The following NWD2 variants were observed in gnomAD, a reference collection of about 807,000 sequenced individuals.
NWD2 encodes the protein NACHT and WD repeat domain-containing protein 2.
A neutral mutation model predicts 132.7 loss-of-function variants in NWD2; 37 were observed. That is an observed-to-expected ratio of 0.28 (90% CI 0.21 to 0.37). The LOEUF (loss-of-function observed/expected upper bound fraction) is 0.37. Among genes scored for constraint, NWD2 ranks in the 10% least tolerant of loss-of-function variants. NWD2 has a pLI of 1.00. For missense variants in NWD2, 1,592 were observed against 2,122.4 expected, an observed-to-expected ratio of 0.75 and a Z score of 4.91; for synonymous variants, 705 against 803.0, an observed-to-expected ratio of 0.88 and a Z score of 2.06.
At chr4:37,369,886 C>A (rs1720180957) in intron 3 of NWD2, among the ~76,000 whole-genome samples, 1 of 152,134 alleles carries the variant, frequency 6.6e-6, no homozygotes, top group Non-Finnish European at 1.5e-5. Context: ...TGGAAATATG[C>A]ACAGATATGG....
At chr4:37,271,020 C>T (rs1328347761) in intron 1 of NWD2, among the ~76,000 whole-genome samples, 1 of 151,780 alleles carries the variant, frequency 6.6e-6, no homozygotes, top group Admixed American at 6.6e-5. Flanking sequence ...CATTGAATTG[C>T]TTTGACAGCT....
chr4:37,304,335 G>C (rs543925302), intron 1 of NWD2, among the ~76,000 whole-genome samples: 1 of 152,242 alleles, frequency 6.6e-6, no homozygotes, highest in Admixed American at 6.5e-5. Flanking sequence ...GATTTGGGTG[G>C]AGACACAGAG....
At chr4:37,258,903 C>G (rs752873794) in intron 1 of NWD2, among the ~76,000 whole-genome samples, 1 of 152,196 alleles carries the variant, frequency 6.6e-6, no homozygotes, top group African/African-American at 2.4e-5. Flanking sequence ...ATGGATTTCA[C>G]TTTTGCTGAT....
intron 1 of NWD2, among the ~76,000 whole-genome samples, chr4:37,251,491 G>C (rs1717359448): frequency 6.6e-6 from 1 of 152,188 alleles, no homozygotes; most frequent in Admixed American, 6.5e-5. Flanking sequence ...TGGGTGTTTA[G>C]TTCATATTGT....
chr4:37,304,081 A>ACAGTT (rs1369697038), intron 1 of NWD2, among the ~76,000 whole-genome samples: 1 of 152,220 alleles, frequency 6.6e-6, no homozygotes, highest in African/African-American at 2.4e-5. Flanking sequence ...TAAGTGGTTC[A>ACAGTT]CAGTTCTGTA....
intron 3 of NWD2, among the ~76,000 whole-genome samples, chr4:37,400,603 G>A (rs1720879752): frequency 6.6e-6 from 1 of 152,144 alleles, no homozygotes; most frequent in Non-Finnish European, 1.5e-5. Flanking sequence ...TTCCCTATAT[G>A]CCTGCTCTTG....
chr4:37,291,516 T>G (rs1446436154), intron 1 of NWD2, among the ~76,000 whole-genome samples: 4 of 152,198 alleles, frequency 2.6e-5, no homozygotes, highest in African/African-American at 7.2e-5. Context: ...ATTGAATATT[T>G]TATTTGAAAG....
intron 2 of NWD2, among the ~76,000 whole-genome samples, chr4:37,351,175 C>G (rs6531527): frequency 0.39 from 59,635 of 151,894 alleles, 12,522 homozygotes; most frequent in East Asian, 0.59. Context: ...GTTTTGGTAT[C>G]AGAATGATGC....
At chr4:37,391,168 T>A (rs1720673127) in intron 3 of NWD2, among the ~76,000 whole-genome samples, 1 of 152,200 alleles carries the variant, frequency 6.6e-6, no homozygotes, top group South Asian at 2.1e-4. Context: ...TGTCTCTTGC[T>A]AATAACTAGG....
intron 1 of NWD2, among the ~76,000 whole-genome samples, chr4:37,251,649 T>G (rs904367227): frequency 2.0e-5 from 3 of 152,330 alleles, no homozygotes; most frequent in Non-Finnish European, 4.4e-5. Context: ...TGAAGGAACT[T>G]TGTTCTCCAG....
intron 1 of NWD2, among the ~76,000 whole-genome samples, chr4:37,309,562 C>T (rs1179883562): frequency 6.6e-6 from 1 of 152,098 alleles, no homozygotes; most frequent in African/African-American, 2.4e-5. Context: ...CAAAATGGCA[C>T]CATAATGCAG....
intron 1 of NWD2, among the ~76,000 whole-genome samples, chr4:37,251,772 A>T (rs1228503415): frequency 1.3e-5 from 2 of 152,216 alleles, no homozygotes; most frequent in Non-Finnish European, 2.9e-5. Context: ...GAGATAGATA[A>T]TGGAGGGAAG....
chr4:37,265,153 T>C (rs1717722929), intron 1 of NWD2, among the ~76,000 whole-genome samples: 1 of 152,100 alleles, frequency 6.6e-6, no homozygotes, highest in Non-Finnish European at 1.5e-5. Flanking sequence ...GTGATATTAA[T>C]GATAATACTG....
At chr4:37,260,894 T>C (rs1198343933) in intron 1 of NWD2, among the ~76,000 whole-genome samples, 1 of 152,232 alleles carries the variant, frequency 6.6e-6, no homozygotes, top group African/African-American at 2.4e-5. Context: ...CAACACATGA[T>C]ACAGGGACTT....
At chr4:37,321,348 TC>T (rs1353237955) in intron 1 of NWD2, among the ~76,000 whole-genome samples, 1 of 152,160 alleles carries the variant, frequency 6.6e-6, no homozygotes, top group South Asian at 2.1e-4. Context: ...TTATTAATTC[TC>T]CCCCAACTAA....
intron 1 of NWD2, among the ~76,000 whole-genome samples, chr4:37,270,644 T>C (rs1717852835): frequency 6.6e-6 from 1 of 151,840 alleles, no homozygotes; most frequent in Admixed American, 6.6e-5. Flanking sequence ...ATTGGTAGGA[T>C]TGTTTATATA....
At chr4:37,273,419 A>T (rs1717914584) in intron 1 of NWD2, among the ~76,000 whole-genome samples, 1 of 152,140 alleles carries the variant, frequency 6.6e-6, no homozygotes, top group African/African-American at 2.4e-5. Flanking sequence ...AGGAGCACCC[A>T]GATTCATAAA....
At position 37,335,303 on chromosome 4, in the gene NWD2, G is replaced by A. The variant is rs566461509; in HGVS notation, c.240+9279G>A. The stretch of plus-strand genomic sequence containing the variant: ...TGCCCTCTGACTGGGGGGTGGGCGG[G>A]GGGGGGGGGCTTAAATTGCCTCCCA... On this transcript the variant is annotated intron_variant, in intron 2 of 6. Transcript: ENST00000309447. Among the ~76,000 whole-genome samples the A allele has an allele frequency of 2.0e-4, 11 of 55,550 alleles. No homozygotes were observed. In the Admixed American group the frequency reaches 3.1e-3, roughly 16 times the overall value. The allele number at this position is 55,550 out of a possible 152,430, so 36.4% of individuals were successfully genotyped here.
intron 2 of NWD2, among the ~76,000 whole-genome samples, chr4:37,341,749 G>A (rs771482177): frequency 2.6e-5 from 4 of 152,082 alleles, no homozygotes; most frequent in East Asian, 1.9e-4. Context: ...ATTTTCATCC[G>A]TAAAACAGAA....
Sources: allele counts gnomAD v4.1 joint callset (sites outside exome capture counted in the v4.1 genomes callset), GRCh38; gene constraint gnomAD v4.1.1; transcripts MANE v1.5; gene names NCBI Gene and HGNC (gene_info 2026-07-23, HGNC 2026-07-21).